The following TDRD5 variants were observed in gnomAD, a reference collection of about 807,000 sequenced individuals.
The protein encoded by TDRD5 is tudor domain-containing protein 5.
In TDRD5, 41 loss-of-function variants were observed where a neutral mutation model predicts 120.6. That is an observed-to-expected ratio of 0.34 (90% CI 0.26 to 0.44). The LOEUF is 0.44. TDRD5 is among the 20% of genes least tolerant of loss of function. The pLI is 1.00. For synonymous variants in TDRD5, 430 were observed against 433.7 expected, an observed-to-expected ratio of 0.99 and a Z score of 0.11; for missense variants, 1,006 against 1,221.2, an observed-to-expected ratio of 0.82 and a Z score of 2.63.
chr1:179,680,867 A>T (rs566876187), intron 17 of TDRD5, among the ~76,000 whole-genome samples: 5 of 152,306 alleles, frequency 3.3e-5, no homozygotes, highest in East Asian at 1.9e-4. Context: ...AGATGGAATT[A>T]AAAAAACCTC....
intron 14 of TDRD5, among the ~76,000 whole-genome samples, chr1:179,656,681 C>T (rs1232567130): frequency 1.3e-5 from 2 of 152,214 alleles, no homozygotes; most frequent in Admixed American, 1.3e-4. Context: ...TATTCTTCTC[C>T]AGTGACCTAT....
In TDRD5 at chr1:179,616,046, T is replaced by A. The variant is rs376619685; in HGVS notation, c.832-2553T>A. Among the ~76,000 whole-genome samples, 3 of 152,126 alleles carry A rather than the reference T, an allele frequency of 2.0e-5. No homozygotes were observed. The East Asian group carries it at 5.8e-4, about 29-fold the overall frequency. On this transcript the variant is annotated intron_variant, in intron 4 of 17. Transcript: ENST00000444136. ...ATTTGAATTTCATATAATTTTCACA[T>A]GTCACAAATAATACCTTTTCCCACA...
At chr1:179,605,541 T>C (rs1252443157) in intron 4 of TDRD5, among the ~76,000 whole-genome samples, 1 of 152,172 alleles carries the variant, frequency 6.6e-6, no homozygotes, top group Non-Finnish European at 1.5e-5. Context: ...TTGACAAATA[T>C]GTAATGACAT....
chr1:179,634,867 G>A (rs1433630479), intron 8 of TDRD5, among the ~76,000 whole-genome samples: 2 of 152,176 alleles, frequency 1.3e-5, no homozygotes, highest in East Asian at 3.9e-4. Context: ...GGTTTTGAGA[G>A]TTGACAGATC....
At chr1:179,671,076 C>T (rs1679831648) in intron 17 of TDRD5, among the ~76,000 whole-genome samples, 1 of 152,110 alleles carries the variant, frequency 6.6e-6, no homozygotes. Flanking sequence ...TCTGAATGTC[C>T]ATTTGTTCCA....
intron 6 of TDRD5, among the ~76,000 whole-genome samples, chr1:179,622,963 A>G (rs1470938437): frequency 6.6e-6 from 1 of 152,182 alleles, no homozygotes; most frequent in Non-Finnish European, 1.5e-5. Context: ...AATGCAGAAA[A>G]CCAAATATAA....
chr1:179,618,677 A>C lies in TDRD5; in HGVS notation c.910A>C (p.Lys304Gln). ...TISSELKHKI[K>Q]FVVSKFPEGL... is the part of the protein sequence containing the mutation. ...CAGTTCAGAACTAAAACATAAGATA[A>C]AATTTGTAAGTAATTTCTGTTTCTG... The change falls in exon 5 of 18, where the codon AAA becomes CAA. Residue 304 changes from lysine to glutamine, a missense_variant. Physicochemically the swap from Lys to Gln is moderately conservative, Grantham distance 53. This residue lies in a region of TDRD5 where 445 missense variants were observed against 515.5 expected (regional missense o/e 0.86). Coordinates refer to ENST00000444136, the MANE Select transcript of TDRD5 (RefSeq NM_001199085.3). 1 of 1,573,590 alleles carries C rather than the reference A, an allele frequency of 6.4e-7. No homozygotes were observed. The highest frequency in any genetic ancestry group is 1.2e-5 in the South Asian group (1 of 81,914).
At chr1:179,626,365 C>G (rs12063611) in intron 6 of TDRD5, among the ~76,000 whole-genome samples, 2 of 152,016 alleles carry the variant, frequency 1.3e-5, no homozygotes, top group African/African-American at 2.4e-5. Context: ...CAAAGATAAT[C>G]TATGGTGGAA....
chr1:179,598,518 A>AT (rs1675528850), intron 4 of TDRD5, among the ~76,000 whole-genome samples: 1 of 152,166 alleles, frequency 6.6e-6, no homozygotes, highest in East Asian at 1.9e-4. Flanking sequence ...ATCTTCATTT[A>AT]TTTAGGTCTT....
At chr1:179,690,604 A>G in intron 17 of TDRD5, 92 bp from the exon 18 acceptor site, 1 of 1,500,000 alleles carries the variant, frequency 6.7e-7, no homozygotes, top group Non-Finnish European at 8.9e-7. Flanking sequence ...AAATGATTGT[A>G]ACACATATTA....
chr1:179,629,662 G>T, intron 6 of TDRD5, among the ~76,000 whole-genome samples: 1 of 152,034 alleles, frequency 6.6e-6, no homozygotes, highest in East Asian at 1.9e-4. Flanking sequence ...AGGCAGCTTT[G>T]GGAGAACATT....
At position 179,662,305 on chromosome 1, in the gene TDRD5, T is replaced by C. The variant is rs1679354978; in HGVS notation, c.2505+19T>C. The stretch of plus-strand genomic sequence containing the variant: ...ACAGAAGGTTAGATCCTTGGAAAAA[T>C]AGAAAGCAAATCAGGCCGGGCACTG... On this transcript the variant is annotated intron_variant, in intron 15 of 17. Transcript: ENST00000444136. The C allele has an allele frequency of 1.3e-6, 2 of 1,595,128 alleles. No individual in the cohort carries two copies. Among genetic ancestry groups the C allele is most frequent in the Admixed American group, 1.8e-5 (1 of 55,168 alleles).
chr1:179,634,316 T>TC (rs1323733504), intron 7 of TDRD5, 141 bp from the exon 8 acceptor site: 2 of 808,822 alleles, frequency 2.5e-6, no homozygotes, highest in East Asian at 2.7e-5. Context: ...TTTGTATCTC[T>TC]CATTTATCAT....
Position 179,592,934 on chromosome 1 carries a change from G to T in TDRD5, c.232+87G>T, listed in dbSNP as rs41267606. 3.7e-3 allele frequency: 4,899 copies of T among 1,326,270 alleles called. 35 individuals are homozygous for T. Among genetic ancestry groups the T allele is most frequent in the South Asian group, 0.019 (1,427 of 73,948 alleles). The allele number at this position is 1,326,270 out of a possible 1,614,324, so 82.2% of individuals were successfully genotyped here. The stretch of plus-strand genomic sequence containing the variant: ...ATTATTCTAGTTCTGCAGTTATTAT[G>T]CATCCCAGCCAGTGGATTTTAATTT... On this transcript the variant is annotated intron_variant, in intron 2 of 17. Transcript: ENST00000444136.
intron 11 of TDRD5, among the ~76,000 whole-genome samples, chr1:179,648,006 T>A (rs1263933704): frequency 4.6e-5 from 7 of 152,074 alleles, no homozygotes; most frequent in Admixed American, 6.5e-5. Flanking sequence ...GTGGGACTGT[T>A]AACTAGTTCA....
intron 15 of TDRD5, among the ~76,000 whole-genome samples, 190 bp from the exon 16 acceptor site, chr1:179,663,158 G>A (rs1466203334): frequency 1.3e-5 from 2 of 152,198 alleles, no homozygotes; most frequent in African/African-American, 2.4e-5. Context: ...TGAGATCCAT[G>A]TGTTCAGAGT....
intron 1 of TDRD5, 178 bp downstream of exon 1, chr1:179,592,303 C>T (rs1572313144): frequency 9.3e-6 from 3 of 323,978 alleles, no homozygotes; most frequent in East Asian, 1.5e-4. Flanking sequence ...CCGAGGAGCC[C>T]CTGAAGGCTT....
At chr1:179,625,743 A>T (rs1283770587) in intron 6 of TDRD5, among the ~76,000 whole-genome samples, 2 of 152,222 alleles carry the variant, frequency 1.3e-5, no homozygotes, top group Non-Finnish European at 2.9e-5. Flanking sequence ...ACTGGAAATA[A>T]GCCTACTATT....
At chr1:179,682,911 T>C (rs964804185) in intron 17 of TDRD5, among the ~76,000 whole-genome samples, 1 of 152,212 alleles carries the variant, frequency 6.6e-6, no homozygotes, top group Admixed American at 6.5e-5. Flanking sequence ...TGCCTGCTGC[T>C]TTCTGGTAGT....
Sources: gnomAD v4.1 joint callset for allele counts (sites outside exome capture counted in the v4.1 genomes callset) on GRCh38, gnomAD v4.1.1 for gene constraint, gnomAD v4.1.1 regional missense constraint, MANE v1.5 for transcripts, NCBI Gene and HGNC (gene_info 2026-07-23, HGNC 2026-07-21) for gene names.